The following DISC1 variants were observed in gnomAD, a reference collection of about 807,000 sequenced individuals.
DISC1 encodes DISC1 scaffold protein, also known as disrupted in schizophrenia 1 protein.
DISC1 carries 57 observed loss-of-function variants against 84.5 expected under a neutral mutation model. The ratio of observed to expected loss-of-function variants is 0.67; its 90% CI spans 0.55 to 0.84. DISC1 has a LOEUF of 0.84. DISC1 is among the 40% of genes least tolerant of loss of function. The pLI is 0.00. For missense variants in DISC1, 1,000 were observed against 1,057.8 expected (o/e 0.95, Z 0.76); for synonymous variants, 411 against 415.2 (o/e 0.99, Z 0.12).
rs1320713117 is a variant in DISC1 at position 231,855,313 on chromosome 1, A to T, written c.1981+36796A>T. The T allele has an allele frequency of 4.3e-6, 4 of 936,714 alleles. No individual in the cohort carries two copies. The East Asian group carries it at 4.6e-4, about 108-fold the overall frequency. The allele number at this position is 936,714 out of a possible 1,614,324, so 58.0% of individuals were successfully genotyped here. On this transcript the variant is annotated intron_variant, in intron 9 of 12. Transcript: ENST00000439617. ...TGTATATTTCAAAATAACATGTTAT[A>T]TATATAATACATACAATTTTTGTCA...
intron 9 of DISC1, among the ~76,000 whole-genome samples, chr1:231,851,383 A>G (rs9432014): frequency 0.9 from 136,775 of 152,228 alleles, 61,533 homozygotes; most frequent in East Asian, 0.99. Flanking sequence ...CCTACTGAGC[A>G]TCCTCTCGCA....
chr1:231,938,124 G>T (rs1225876187), intron 9 of DISC1, among the ~76,000 whole-genome samples: 2 of 152,062 alleles, frequency 1.3e-5, no homozygotes. Flanking sequence ...GCAGAATAAT[G>T]ACCCTCCCAA....
rs200835938 is a variant in DISC1, at chr1:232,040,828, C to G, written c.*3997C>G. ...TCAACAAACCTATTCACCCCACCAT[C>G]ATCCTGATCTAACCATTCCCCAGTC... On this transcript the variant is annotated 3_prime_UTR_variant, in exon 13 of 13. Transcript: ENST00000439617. The G allele has an allele frequency of 6.6e-6, 1 of 152,200 alleles. No homozygotes were observed. The highest frequency in any genetic ancestry group is 1.5e-5 in the Non-Finnish European group (1 of 68,038). The allele number at this position is 152,200 out of a possible 1,614,324, so 9.4% of individuals were successfully genotyped here. A position where few individuals can be genotyped will look rare whatever the true frequency, so the allele number is the denominator to read the frequency against.
At chr1:231,835,240 C>T (rs2082541560) in intron 9 of DISC1, among the ~76,000 whole-genome samples, 1 of 152,216 alleles carries the variant, frequency 6.6e-6, no homozygotes, top group African/African-American at 2.4e-5. Flanking sequence ...CCAAATTTCA[C>T]TCGCGTCCGT....
intron 9 of DISC1, chr1:231,818,999 T>G: frequency 2.0e-6 from 2 of 997,076 alleles, no homozygotes; most frequent in Non-Finnish European, 2.4e-6. Context: ...AAGATGTGAA[T>G]GCCGCCTTAG....
In DISC1 at chr1:232,004,991, CT is replaced by C. The variant is rs201911969; in HGVS notation, c.2043-3793del. Reference sequence around the variant, plus strand: ...TTCTTCCCTTCCTTCCATCCTTCTTCTCTTCTTTCCTTCCTTCCTTCCCTCT... The same window carrying C: ...TTCTTCCCTTCCTTCCATCCTTCTTCCTTCTTTCCTTCCTTCCTTCCCTCT... On this transcript the variant is annotated intron_variant, in intron 10 of 12. Coordinates refer to ENST00000439617, the MANE Select transcript of DISC1 (RefSeq NM_018662.3). Among the ~76,000 whole-genome samples, 3 of 64,260 alleles carry C rather than the reference CT, an allele frequency of 4.7e-5. 1 individual carries two copies. The highest frequency in any genetic ancestry group is 1.3e-4 in the African/African-American group (1 of 7,580). 42.2% of individuals were successfully genotyped at this position (64,260 alleles called of 152,430 possible).
chr1:231,755,890 G>A (rs1318909584), intron 4 of DISC1, among the ~76,000 whole-genome samples: 1 of 152,178 alleles, frequency 6.6e-6, no homozygotes, highest in Non-Finnish European at 1.5e-5. Context: ...GATTATTGCA[G>A]TGGTCTCCTT....
chr1:231,816,927 C>T (rs188571011), intron 8 of DISC1, among the ~76,000 whole-genome samples: 3 of 151,894 alleles, frequency 2.0e-5, no homozygotes, highest in Admixed American at 2.0e-4. Flanking sequence ...CTCCTTCCTT[C>T]CCTCCCTCCC....
At chr1:232,036,632 C>G in intron 12 of DISC1, 60 bp from the exon 13 acceptor site, 9 of 1,424,612 alleles carry the variant, frequency 6.3e-6, no homozygotes, top group Non-Finnish European at 8.4e-6. Context: ...CTCTTCGATC[C>G]CTCGGAGGCC....
chr1:231,741,721 G>A lies in DISC1; in HGVS notation c.1118-8205G>A, dbSNP rs551752731. On this transcript the variant is annotated intron_variant, in intron 3 of 12. Transcript: ENST00000439617. ...GAGGTAGACTTAGCCTGGGCTGGAT[G>A]TGGAGGAAGAATGACTCTGGCAATG... Among the ~76,000 whole-genome samples, 5 of 152,318 alleles carry A rather than the reference G, an allele frequency of 3.3e-5. No individual in the cohort carries two copies. In the East Asian group the frequency reaches 9.7e-4, roughly 29 times the overall value.
At chr1:231,658,640 G>C (rs1572583921) in intron 1 of DISC1, among the ~76,000 whole-genome samples, 1 of 152,076 alleles carries the variant, frequency 6.6e-6, no homozygotes, top group South Asian at 2.1e-4. Flanking sequence ...TTATTATTTT[G>C]AGGTATGTTC....
At chr1:231,791,826 C>A (rs1446580384) in intron 6 of DISC1, among the ~76,000 whole-genome samples, 2 of 152,180 alleles carry the variant, frequency 1.3e-5, no homozygotes, top group Non-Finnish European at 2.9e-5. Context: ...GTTTGTAGTC[C>A]TGCTCCTGGA....
At chr1:231,762,864 C>T (rs113413950) in intron 4 of DISC1, among the ~76,000 whole-genome samples, 29 of 152,230 alleles carry the variant, frequency 1.9e-4, no homozygotes, top group African/African-American at 6.5e-4. Context: ...CCATAGTTCG[C>T]TCCATAGGGA....
At position 231,759,769 on chromosome 1, in the gene DISC1, A is replaced by G. The variant is rs146939768; in HGVS notation, c.1269-7371A>G. Among the ~76,000 whole-genome samples the G allele has an allele frequency of 1.5e-3, 231 of 152,278 alleles. 2 individuals carry two copies. Among genetic ancestry groups the G allele is most frequent in the African/African-American group, 5.1e-3 (214 of 41,570 alleles). On this transcript the variant is annotated intron_variant, in intron 4 of 12. Coordinates refer to ENST00000439617, the MANE Select transcript of DISC1 (RefSeq NM_018662.3). ...ATATTTCTGAACCCCAAATCAGATC[A>G]GGAGATGGGGAACCACAAGAGACAG...
intron 9 of DISC1, among the ~76,000 whole-genome samples, chr1:231,891,341 T>C (rs1000096252): frequency 1.3e-5 from 2 of 152,130 alleles, no homozygotes; most frequent in African/African-American, 4.8e-5. Context: ...GTCTAACATA[T>C]AGTGTTAATA....
chr1:232,026,033 T>A lies in DISC1; in HGVS notation c.2308-402T>A, dbSNP rs74392956. Among the ~76,000 whole-genome samples the A allele has an allele frequency of 3.0e-3, 461 of 152,300 alleles. 5 individuals are homozygous for A. The highest frequency in any genetic ancestry group is 0.011 in the African/African-American group (443 of 41,558). On this transcript the variant is annotated intron_variant, in intron 11 of 12. Coordinates refer to ENST00000439617, the MANE Select transcript of DISC1 (RefSeq NM_018662.3). ...CAATTCCTGTGTCCTTAAAGGAATA[T>A]TCCCTTTGTCCTTACAGGTTAGCCC...
intron 10 of DISC1, among the ~76,000 whole-genome samples, chr1:232,004,923 CCCTT>C (rs1222807695): frequency 1.7e-5 from 2 of 116,854 alleles, no homozygotes; most frequent in Non-Finnish European, 3.4e-5. Context: ...CTTCCTTCTT[CCCTT>C]CCTTCCATCC....
At chr1:232,001,981 A>G (rs1287680201) in intron 10 of DISC1, among the ~76,000 whole-genome samples, 1 of 152,206 alleles carries the variant, frequency 6.6e-6, no homozygotes, top group Admixed American at 6.5e-5. Flanking sequence ...TTGTAACCAT[A>G]TATATCTGAC....
chr1:231,671,766 T>G (rs2062641404), intron 1 of DISC1, among the ~76,000 whole-genome samples: 1 of 152,238 alleles, frequency 6.6e-6, no homozygotes, highest in Non-Finnish European at 1.5e-5. Context: ...TTTTTCCAGT[T>G]GCTAGCCATG....
Sources: allele counts gnomAD v4.1 joint callset (sites outside exome capture counted in the v4.1 genomes callset), GRCh38; gene constraint gnomAD v4.1.1; transcripts MANE v1.5; gene names NCBI Gene and HGNC (gene_info 2026-07-23, HGNC 2026-07-21).